The following CERS6 variants were observed in gnomAD, a reference collection of about 807,000 sequenced individuals.
CERS6 encodes ceramide synthase 6, also known as LAG1 homolog, ceramide synthase 6.
In CERS6, 26 loss-of-function variants were observed where a neutral mutation model predicts 56.8. That is an observed-to-expected ratio of 0.46 (90% CI 0.34 to 0.63). CERS6 has a LOEUF of 0.63. Ranked by LOEUF, CERS6 falls within the 30% of genes least tolerant of loss-of-function variation. The pLI is 0.01. For missense variants in CERS6, 415 were observed against 467.5 expected (o/e 0.89, Z 1.04); for synonymous variants, 164 against 173.3 (o/e 0.95, Z 0.42).
chr2:168,535,246 T>C (rs1695239071), intron 1 of CERS6, among the ~76,000 whole-genome samples: 1 of 152,188 alleles, frequency 6.6e-6, no homozygotes, highest in African/African-American at 2.4e-5. Flanking sequence ...CCCTTCCCCC[T>C]GGGAGCTCAG....
intron 2 of CERS6, among the ~76,000 whole-genome samples, chr2:168,557,232 A>G (rs1482490157): frequency 6.6e-6 from 1 of 152,164 alleles, no homozygotes; most frequent in Non-Finnish European, 1.5e-5. Flanking sequence ...AAAGAATAAT[A>G]TAGCTAGGAA....
At chr2:168,458,210 T>C (rs1301085235) in intron 1 of CERS6, among the ~76,000 whole-genome samples, 1 of 152,230 alleles carries the variant, frequency 6.6e-6, no homozygotes, top group African/African-American at 2.4e-5. Context: ...TGCTGAATTA[T>C]GATAAATTGT....
At chr2:168,555,726 G>GTGTT (rs1695665173) in intron 2 of CERS6, among the ~76,000 whole-genome samples, 1 of 61,614 alleles carries the variant, frequency 1.6e-5, no homozygotes, top group Admixed American at 2.0e-4. Context: ...TTGACTCTGT[G>GTGTT]TGTGTGTGTG....
At chr2:168,660,329 T>A (rs1368174909) in intron 4 of CERS6, among the ~76,000 whole-genome samples, 3 of 152,206 alleles carry the variant, frequency 2.0e-5, no homozygotes, top group Admixed American at 2.0e-4. Flanking sequence ...CGTCTCACCT[T>A]GTTTACCATG....
In CERS6 at chr2:168,502,411, A is replaced by C. The variant is rs140755914; in HGVS notation, c.171-45185A>C. Among the ~76,000 whole-genome samples, 126 of 152,188 alleles carry C rather than the reference A, an allele frequency of 8.3e-4. 1 individual carries two copies. Among genetic ancestry groups the C allele is most frequent in the African/African-American group, 2.9e-3 (121 of 41,522 alleles). ...GGAGTAGAGGTAGAAAGAGAGGTAG[A>C]GGGTCAAGTATCCATAAGTGGAGAA... is the stretch of plus-strand genomic sequence containing the variant. On this transcript the variant is annotated intron_variant, in intron 1 of 9. Transcript: ENST00000305747.
intron 3 of CERS6, among the ~76,000 whole-genome samples, chr2:168,629,834 G>A (rs1454245701): frequency 6.8e-6 from 1 of 147,342 alleles, no homozygotes; most frequent in African/African-American, 2.5e-5. Flanking sequence ...TTTTTTTTTT[G>A]AGATGGAGTC....
chr2:168,557,516 T>C (rs1695706371), intron 2 of CERS6, among the ~76,000 whole-genome samples: 1 of 152,148 alleles, frequency 6.6e-6, no homozygotes, highest in African/African-American at 2.4e-5. Context: ...CATTAATAAA[T>C]AGACCAATGG....
chr2:168,581,696 C>T (rs1460446542), intron 3 of CERS6, among the ~76,000 whole-genome samples: 1 of 151,976 alleles, frequency 6.6e-6, no homozygotes, highest in Admixed American at 6.6e-5. Flanking sequence ...TTTATGTGGT[C>T]TTTTATTTTT....
At position 168,462,668 on chromosome 2, in the gene CERS6, C is replaced by T. The variant is rs574346107; in HGVS notation, c.170+6050C>T. ...CCCTCCTACCTCATCCTCCCAGTAG[C>T]TAGGACTACAGGTGGGTGCCACCAT... On this transcript the variant is annotated intron_variant, in intron 1 of 9. Coordinates refer to ENST00000305747, the MANE Select transcript of CERS6 (RefSeq NM_203463.3). Among the ~76,000 whole-genome samples the T allele has an allele frequency of 2.4e-4, 37 of 152,290 alleles. 1 individual carries two copies. The highest frequency in any genetic ancestry group is 7.9e-4 in the African/African-American group (33 of 41,556).
At position 168,774,553 on chromosome 2, in the gene CERS6, C is replaced by A. The variant is rs1463135153; in HGVS notation, c.*4891C>A. 3 of 151,856 alleles carry A rather than the reference C, an allele frequency of 2.0e-5. No homozygotes were observed. Among genetic ancestry groups the A allele is most frequent in the East Asian group, 3.9e-4 (2 of 5,166 alleles). The allele number at this position is 151,856 out of a possible 1,614,324, so 9.4% of individuals were successfully genotyped here. ...TGGTTTCTGTGTTCAGTGAAAAATT[C>A]TATTTCATTGAGACAATTTTTTCTT... On this transcript the variant is annotated 3_prime_UTR_variant, in exon 10 of 10. Transcript: ENST00000305747.
At chr2:168,691,221 CATAAT>C in intron 5 of CERS6, 137 bp downstream of exon 5, 3 of 735,846 alleles carry the variant, frequency 4.1e-6, no homozygotes, top group South Asian at 1.6e-5. Flanking sequence ...CAGTGCTGGA[CATAAT>C]CTAGTGAGGA....
chr2:168,488,528 G>A (rs984125873), intron 1 of CERS6, among the ~76,000 whole-genome samples: 2 of 151,994 alleles, frequency 1.3e-5, no homozygotes, highest in African/African-American at 4.8e-5. Flanking sequence ...TCATGGGTGT[G>A]TTTAGATCAT....
At chr2:168,645,692 CCCACCA>C (rs1574125733) in intron 4 of CERS6, among the ~76,000 whole-genome samples, 1 of 152,060 alleles carries the variant, frequency 6.6e-6, no homozygotes, top group African/African-American at 2.4e-5. Flanking sequence ...CTTCCTCCCA[CCCACCA>C]CCGTCAGGGA....
At chr2:168,659,758 G>A (rs1004916136) in intron 4 of CERS6, among the ~76,000 whole-genome samples, 1 of 151,804 alleles carries the variant, frequency 6.6e-6, no homozygotes, top group African/African-American at 2.4e-5. Flanking sequence ...GCTTGGCTTG[G>A]TCATTACAAT....
At chr2:168,520,821 G>A (rs985155041) in intron 1 of CERS6, among the ~76,000 whole-genome samples, 109 of 151,572 alleles carry the variant, frequency 7.2e-4, no homozygotes, top group African/African-American at 2.6e-3. Context: ...TGTTGGCCAG[G>A]CTGGTCTCGA....
At chr2:168,457,276 G>A (rs1032933827) in intron 1 of CERS6, among the ~76,000 whole-genome samples, 7 of 152,150 alleles carry the variant, frequency 4.6e-5, no homozygotes, top group Non-Finnish European at 1.0e-4. Flanking sequence ...GTGACAGGAC[G>A]GGTCCACATC....
rs146518467 is a variant in CERS6 at position 168,754,003 on chromosome 2, G to A, written c.846-11589G>A. Among the ~76,000 whole-genome samples the A allele has an allele frequency of 4.7e-3, 718 of 152,240 alleles. 15 individuals carry two copies. Among genetic ancestry groups the A allele is most frequent in the Non-Finnish European group, 3.4e-3 (230 of 68,012 alleles). On this transcript the variant is annotated intron_variant, in intron 8 of 9. Coordinates refer to ENST00000305747, the MANE Select transcript of CERS6 (RefSeq NM_203463.3). Reference sequence around the variant, plus strand: ...GGAAGGAGTTGGTGTGGCTTGATGCGGGGGCGGGGTATGGAATTTGGGGGA... The same window carrying A: ...GGAAGGAGTTGGTGTGGCTTGATGCAGGGGCGGGGTATGGAATTTGGGGGA...
chr2:168,737,144 A>G (rs901581813), intron 8 of CERS6, among the ~76,000 whole-genome samples: 1 of 152,186 alleles, frequency 6.6e-6, no homozygotes, highest in African/African-American at 2.4e-5. Flanking sequence ...AGCAATTGTG[A>G]TAGAGGCCAG....
chr2:168,549,561 G>A (rs962008870), intron 2 of CERS6, among the ~76,000 whole-genome samples: 2 of 152,200 alleles, frequency 1.3e-5, no homozygotes, highest in Admixed American at 6.5e-5. Flanking sequence ...CTTGAACCCA[G>A]GAGGCGGAGG....
Sources: allele counts gnomAD v4.1 joint callset (sites outside exome capture counted in the v4.1 genomes callset), GRCh38; gene constraint gnomAD v4.1.1; transcripts MANE v1.5; gene names NCBI Gene and HGNC (gene_info 2026-07-23, HGNC 2026-07-21).